The following NRG3 variants were observed in gnomAD, a reference collection of about 807,000 sequenced individuals.
NRG3 encodes the protein neuregulin 3, also known as pro-neuregulin-3, membrane-bound isoform.
In NRG3, 31 loss-of-function variants were observed where a neutral mutation model predicts 66.9. The ratio of observed to expected loss-of-function variants is 0.46; its 90% confidence interval spans 0.35 to 0.63. The LOEUF (loss-of-function observed/expected upper bound fraction) is 0.63. NRG3 is among the 20% of genes least tolerant of loss of function. NRG3 has a pLI of 0.00. For missense variants in NRG3, 910 were observed against 878.9 expected (o/e 1.04, Z -0.45); for synonymous variants, 393 against 359.4 (o/e 1.09, Z -1.06).
intron 1 of NRG3, among the ~76,000 whole-genome samples, chr10:82,069,004 G>C (rs1046231938): frequency 6.6e-6 from 1 of 152,124 alleles, no homozygotes; most frequent in South Asian, 2.1e-4. Context: ...CCACAGAAGG[G>C]TTTAATTGGA....
At chr10:82,273,255 T>C (rs964999982) in intron 1 of NRG3, among the ~76,000 whole-genome samples, 4 of 152,050 alleles carry the variant, frequency 2.6e-5, no homozygotes, top group Non-Finnish European at 5.9e-5. Context: ...AAGGCTTTGA[T>C]TGGCTGCTTA....
intron 2 of NRG3, among the ~76,000 whole-genome samples, chr10:82,716,138 A>C (rs2056959437): frequency 6.6e-6 from 1 of 152,190 alleles, no homozygotes; most frequent in Non-Finnish European, 1.5e-5. Context: ...GATTCTGTAG[A>C]AATAATTTTA....
intron 2 of NRG3, among the ~76,000 whole-genome samples, chr10:82,463,051 C>T (rs1240575077): frequency 2.0e-5 from 3 of 152,108 alleles, no homozygotes; most frequent in African/African-American, 7.2e-5. Flanking sequence ...TGCCAGCTCC[C>T]CAGGCGTTCC....
At chr10:82,893,725 C>T (rs1025163694) in intron 4 of NRG3, among the ~76,000 whole-genome samples, 1 of 151,978 alleles carries the variant, frequency 6.6e-6, no homozygotes, top group Non-Finnish European at 1.5e-5. Flanking sequence ...ACAAATACTT[C>T]ATATTGAAAT....
chr10:82,935,770 C>G (rs565790857), intron 4 of NRG3, among the ~76,000 whole-genome samples: 1 of 151,838 alleles, frequency 6.6e-6, no homozygotes, highest in Admixed American at 6.6e-5. Flanking sequence ...ACTACAGGTG[C>G]GTGCCACCAC....
chr10:82,719,169 C>A (rs2057148010), intron 2 of NRG3, among the ~76,000 whole-genome samples: 1 of 152,004 alleles, frequency 6.6e-6, no homozygotes, highest in Non-Finnish European at 1.5e-5. Context: ...TGTGCACATG[C>A]AGTTGTGTGA....
chr10:82,002,921 G>A (rs967298904), intron 1 of NRG3, among the ~76,000 whole-genome samples: 12 of 152,192 alleles, frequency 7.9e-5, no homozygotes, highest in African/African-American at 2.9e-4. Context: ...GGAAGAGGGG[G>A]AGAGCAGTGT....
intron 1 of NRG3, among the ~76,000 whole-genome samples, chr10:81,909,131 CA>C (rs1844875002): frequency 6.6e-6 from 1 of 152,188 alleles, no homozygotes; most frequent in South Asian, 2.1e-4. Context: ...TGGTTGCTGG[CA>C]ATCCTTGGCA....
At chr10:82,270,054 G>A (rs530557301) in intron 1 of NRG3, among the ~76,000 whole-genome samples, 1 of 152,200 alleles carries the variant, frequency 6.6e-6, no homozygotes, top group South Asian at 2.1e-4. Context: ...TAAGCAAAGT[G>A]CTTCCAACAG....
intron 1 of NRG3, among the ~76,000 whole-genome samples, chr10:81,906,208 TATC>T (rs57012883): frequency 1.5e-3 from 222 of 151,610 alleles, no homozygotes; most frequent in African/African-American, 3.3e-3. Flanking sequence ...CTGCTGTTCT[TATC>T]ATCATCATCA....
At chr10:82,907,556 T>C (rs2131939156) in intron 4 of NRG3, among the ~76,000 whole-genome samples, 1 of 152,336 alleles carries the variant, frequency 6.6e-6, no homozygotes, top group Non-Finnish European at 1.5e-5. Context: ...TTATCATCAA[T>C]TATTTAAATG....
chr10:82,418,401 T>C (rs1229727160), intron 2 of NRG3, among the ~76,000 whole-genome samples: 2 of 145,404 alleles, frequency 1.4e-5, no homozygotes, highest in Non-Finnish European at 3.1e-5. Context: ...TGCAAATGTT[T>C]ATGCAAATTA....
Position 82,038,628 on chromosome 10 carries a change from T to C in NRG3, c.823+162465T>C, listed in dbSNP as rs115257965. ...TGGCTTTTATGGAGTGAATTTGATC[T>C]TTATTAATAGCTGGAGGCACTGCAT... is the stretch of plus-strand genomic sequence containing the variant. On this transcript the variant is annotated intron_variant, in intron 1 of 8. Transcript: ENST00000372141. 3.6e-3 allele frequency among the ~76,000 whole-genome samples: 549 copies of C among 152,274 alleles called. 3 individuals are homozygous for C. The highest frequency in any genetic ancestry group is 0.013 in the African/African-American group (530 of 41,576).
At chr10:82,378,072 T>C (rs957219580) in intron 2 of NRG3, among the ~76,000 whole-genome samples, 2 of 152,210 alleles carry the variant, frequency 1.3e-5, no homozygotes, top group Non-Finnish European at 2.9e-5. Flanking sequence ...GTTTTAGAAC[T>C]CTCTTAAATT....
In NRG3 at chr10:82,977,438, A is replaced by G. The variant is rs368694060; in HGVS notation, c.1413-1512A>G. Among the ~76,000 whole-genome samples the G allele has an allele frequency of 3.0e-4, 46 of 151,962 alleles. 1 individual carries two copies. In the East Asian group the frequency reaches 6.2e-3, roughly 21 times the overall value. ...AGCCTGGCCAACATGGTGAAACCTC[A>G]TCTCTACTAAAAATACAAAAATTAG... On this transcript the variant is annotated intron_variant, in intron 7 of 8. Coordinates refer to ENST00000372141, the MANE Select transcript of NRG3 (RefSeq NM_001010848.4).
intron 1 of NRG3, among the ~76,000 whole-genome samples, chr10:81,964,043 A>G (rs1234504920): frequency 2.0e-5 from 3 of 152,234 alleles, no homozygotes; most frequent in African/African-American, 4.8e-5. Flanking sequence ...TAAAAATAAA[A>G]TAAGTGTTCA....
At chr10:82,912,948 G>A (rs904916847) in intron 4 of NRG3, among the ~76,000 whole-genome samples, 14 of 152,134 alleles carry the variant, frequency 9.2e-5, no homozygotes, top group African/African-American at 2.9e-4. Context: ...ACTTCCGGCC[G>A]GGTGCGGTGG....
At chr10:82,796,239 CA>C (rs1341713705) in intron 3 of NRG3, among the ~76,000 whole-genome samples, 1 of 152,092 alleles carries the variant, frequency 6.6e-6, no homozygotes, top group African/African-American at 2.4e-5. Flanking sequence ...ATCATTAAAA[CA>C]AACACAACTA....
intron 2 of NRG3, among the ~76,000 whole-genome samples, chr10:82,428,915 A>G (rs2089614472): frequency 6.6e-6 from 1 of 151,934 alleles, no homozygotes; most frequent in Admixed American, 6.6e-5. Flanking sequence ...GTTTATATTA[A>G]TAATTAACGT....
Sources: gnomAD v4.1 joint callset for allele counts (sites outside exome capture counted in the v4.1 genomes callset) on GRCh38, gnomAD v4.1.1 for gene constraint, MANE v1.5 for transcripts, NCBI Gene and HGNC (gene_info 2026-07-23, HGNC 2026-07-21) for gene names.